The following PRPSAP1 variants were observed in gnomAD, a reference collection of about 807,000 sequenced individuals.
PRPSAP1 encodes phosphoribosyl pyrophosphate synthase-associated protein 1.
Under a neutral mutation model 39.4 loss-of-function variants are expected in PRPSAP1, and 31 were observed. The observed-to-expected ratio is 0.79, with a 90% CI of 0.59 to 1.06. PRPSAP1 has a LOEUF of 1.06. PRPSAP1 is among the 50% of genes least tolerant of loss of function. The pLI, the probability that PRPSAP1 is intolerant of heterozygous loss-of-function variation, is 0.00. For synonymous variants in PRPSAP1, 212 were observed against 192.6 expected, an observed-to-expected ratio of 1.10 and a Z score of -0.83; for missense variants, 430 against 511.6, an observed-to-expected ratio of 0.84 and a Z score of 1.54.
At chr17:76,321,996 C>T (rs1388009736) in intron 7 of PRPSAP1, among the ~76,000 whole-genome samples, 2 of 152,156 alleles carry the variant, frequency 1.3e-5, no homozygotes, top group Admixed American at 6.6e-5. Context: ...GGAAAGAAGC[C>T]GTTTCCGTGA....
intron 7 of PRPSAP1, 74 bp downstream of exon 7, chr17:76,328,643 C>CA: frequency 6.6e-7 from 1 of 1,522,224 alleles, no homozygotes; most frequent in South Asian, 1.2e-5. Context: ...ACAACAACAA[C>CA]AAAACCAACA....
Position 76,332,262 on chromosome 17 carries a change from C to T in PRPSAP1, c.463+1G>A, listed in dbSNP as rs759062112. The T allele has an allele frequency of 3.7e-6, 6 of 1,613,904 alleles. No individual in the cohort carries two copies. The South Asian group carries it at 6.6e-5, about 18-fold the overall frequency. ...ACCCCAGGGCCCCCGCGCACACTCA[C>T]CTGCTTTCGCCAGCATGGATGCTAG... is the stretch of plus-strand genomic sequence containing the variant. On this transcript the variant is annotated splice_donor_variant, in intron 4 of 9. Transcript: ENST00000446526. LOFTEE classifies it high-confidence loss of function.
At chr17:76,335,080 C>G (rs1011728949) in intron 3 of PRPSAP1, among the ~76,000 whole-genome samples, 5 of 152,148 alleles carry the variant, frequency 3.3e-5, no homozygotes, top group African/African-American at 7.2e-5. Flanking sequence ...GGTCCCCTTC[C>G]CAGAGACTCT....
intron 1 of PRPSAP1, 65 bp downstream of exon 1, chr17:76,353,469 C>T (rs2071602405): frequency 2.1e-6 from 3 of 1,399,412 alleles, no homozygotes; most frequent in Admixed American, 3.1e-5. Context: ...GGAGCGGGTC[C>T]CTCCGGGCGC....
chr17:76,348,605 A>G (rs1291688523), intron 1 of PRPSAP1, 24 bp from the exon 2 acceptor site: 2 of 1,515,012 alleles, frequency 1.3e-6, no homozygotes, highest in South Asian at 2.7e-5. Context: ...AGAACAAAAA[A>G]GGGAAATTAA....
In PRPSAP1 at chr17:76,311,516, G is replaced by A; in HGVS notation, c.*26C>T. 6.2e-7 allele frequency: 1 copy of A among 1,606,210 alleles called. No homozygotes were observed. Among genetic ancestry groups the A allele is most frequent in the South Asian group, 1.1e-5 (1 of 90,008 alleles). On this transcript the variant is annotated 3_prime_UTR_variant, in exon 10 of 10. Transcript: ENST00000446526. ...GCTTTTTCCATGTTTCCCTCAGGAGGTCCAGGGTCGAGACCCTCGTGAAAG... is the reference window on the plus strand; with the variant it reads ...GCTTTTTCCATGTTTCCCTCAGGAGATCCAGGGTCGAGACCCTCGTGAAAG...
intron 3 of PRPSAP1, among the ~76,000 whole-genome samples, 184 bp downstream of exon 3, chr17:76,344,487 G>A (rs924029860): frequency 6.7e-6 from 1 of 149,518 alleles, no homozygotes. Flanking sequence ...GGCTGGTCTC[G>A]AACTCCTGAC....
At chr17:76,332,794 T>C (rs925277853) in intron 3 of PRPSAP1, among the ~76,000 whole-genome samples, 3 of 152,214 alleles carry the variant, frequency 2.0e-5, no homozygotes, top group Non-Finnish European at 4.4e-5. Flanking sequence ...TTAGGCCAGC[T>C]TGAATGCCAA....
intron 7 of PRPSAP1, chr17:76,314,132 A>G (rs2071096477): frequency 1.9e-6 from 1 of 531,850 alleles, no homozygotes; most frequent in African/African-American, 1.9e-5. Context: ...TTAAAAACAG[A>G]TGAAATTAAT....
chr17:76,335,099 A>C (rs368769844), intron 3 of PRPSAP1, among the ~76,000 whole-genome samples: 1 of 152,082 alleles, frequency 6.6e-6, no homozygotes, highest in African/African-American at 2.4e-5. Context: ...CTTTTGTTTA[A>C]AAGATTTTTT....
chr17:76,351,028 G>C (rs913826655), intron 1 of PRPSAP1, among the ~76,000 whole-genome samples: 3 of 151,402 alleles, frequency 2.0e-5, no homozygotes, highest in Non-Finnish European at 2.9e-5. Context: ...GCAAAACTTC[G>C]TCTCAAAAAC....
At chr17:76,351,059 G>A (rs921332086) in intron 1 of PRPSAP1, among the ~76,000 whole-genome samples, 4 of 151,840 alleles carry the variant, frequency 2.6e-5, no homozygotes, top group African/African-American at 4.8e-5. Context: ...ACAAAAAACG[G>A]TTAAAAAGGT....
intron 1 of PRPSAP1, among the ~76,000 whole-genome samples, chr17:76,351,288 G>A (rs1405349100): frequency 3.3e-5 from 5 of 152,090 alleles, no homozygotes; most frequent in African/African-American, 7.2e-5. Context: ...AGGCCGAGGC[G>A]AGTGGATCAC....
In PRPSAP1 at chr17:76,331,197, T is replaced by C. The variant is rs146580833; in HGVS notation, c.464-531A>G. ...ATAGAAAAACAATGAAGAGATACTC[T>C]TATAATCAAGAGTACTGAAGAGGAA... On this transcript the variant is annotated intron_variant, in intron 4 of 9. Coordinates refer to ENST00000446526, the MANE Select transcript of PRPSAP1 (RefSeq NM_002766.3). Among the ~76,000 whole-genome samples, 1,010 of 152,328 alleles carry C rather than the reference T, an allele frequency of 6.6e-3. 13 individuals are homozygous for C. Among genetic ancestry groups the C allele is most frequent in the African/African-American group, 0.023 (972 of 41,574 alleles).
intron 8 of PRPSAP1, 89 bp from the exon 9 acceptor site, chr17:76,313,105 TCA>T: frequency 7.0e-7 from 1 of 1,425,404 alleles, no homozygotes; most frequent in East Asian, 2.4e-5. Context: ...TCTTCTGCAC[TCA>T]GTTTCAGAGG....
In PRPSAP1 at chr17:76,311,365, T is replaced by C; in HGVS notation, c.*177A>G. 1 of 616,146 alleles carries C rather than the reference T, an allele frequency of 1.6e-6. No individual in the cohort carries two copies. Among genetic ancestry groups the C allele is most frequent in the East Asian group, 3.0e-5 (1 of 32,908 alleles). The allele number at this position is 616,146 out of a possible 1,614,324, so 38.2% of individuals were successfully genotyped here. On this transcript the variant is annotated 3_prime_UTR_variant, in exon 10 of 10. Coordinates refer to ENST00000446526, the MANE Select transcript of PRPSAP1 (RefSeq NM_002766.3). ...AAGGCCATGTTATGATATTTATCCA[T>C]TAGCTCTGTCTTCTTCCTGACTCTT...
At chr17:76,353,412 A>C (rs1027012901) in intron 1 of PRPSAP1, 122 bp downstream of exon 1, 2 of 988,918 alleles carry the variant, frequency 2.0e-6, no homozygotes, top group African/African-American at 1.7e-5. Flanking sequence ...CCGGCTGGGA[A>C]GGCCCGCGCC....
chr17:76,332,753 C>T (rs944685239), intron 3 of PRPSAP1, among the ~76,000 whole-genome samples: 1 of 152,224 alleles, frequency 6.6e-6, no homozygotes, highest in Admixed American at 6.5e-5. Flanking sequence ...AGTTACCCAA[C>T]ACCTGCTGGC....
chr17:76,328,719 G>A lies in PRPSAP1; in HGVS notation c.779C>T (p.Pro260Leu), dbSNP rs1377660379. The A allele has an allele frequency of 6.2e-7, 1 of 1,612,680 alleles. No individual in the cohort carries two copies. ...NATVHPGLEL[P>L]LMMAKEKPPI... ...TAAAAACACAGAGCTCATCTTACAT[G>A]GCAACTCCAGGCCTGGGTGCACAGT... is the stretch of plus-strand genomic sequence containing the variant. The change falls in exon 7 of 10, where the codon CCA (proline) becomes CTA (leucine). Residue 260 changes from proline to leucine, a missense_variant and splice_region_variant. Pro to Leu is a moderately conservative substitution (Grantham distance 98). Transcript: ENST00000446526.
Sources: allele counts gnomAD v4.1 joint callset (sites outside exome capture counted in the v4.1 genomes callset), GRCh38; gene constraint gnomAD v4.1.1; transcripts MANE v1.5; gene names NCBI Gene and HGNC (gene_info 2026-07-23, HGNC 2026-07-21).